Variants in MST1R observed in about 807,000 individuals in gnomAD.
MST1R encodes the protein macrophage stimulating 1 receptor.
MST1R carries 99 observed loss-of-function variants against 117.8 expected under a neutral mutation model. The observed-to-expected ratio is 0.84, with a 90% CI of 0.71 to 0.99. The LOEUF (loss-of-function observed/expected upper bound fraction) is 0.99, where lower values mean the gene tolerates loss of function less well. Ranked by LOEUF, MST1R falls within the 50% of genes least tolerant of loss-of-function variation. The pLI is 0.00. For missense variants in MST1R, 1,683 were observed against 1,840.2 expected, an observed-to-expected ratio of 0.91 and a Z score of 1.56; for synonymous variants, 734 against 765.3, an observed-to-expected ratio of 0.96 and a Z score of 0.68.
chr3:49,891,372 C>T (rs746453316), intron 16 of MST1R, 27 bp downstream of exon 16: 3 of 1,613,720 alleles, frequency 1.9e-6, no homozygotes, highest in East Asian at 4.5e-5. Context: ...TGCCCAGCCC[C>T]CAACCCAGAG....
chr3:49,902,535 C>G lies in MST1R; in HGVS notation c.1075G>C (p.Gly359Arg). The stretch of plus-strand genomic sequence containing the variant: ...CAGACGACAGAGTTGGGGCCCACGC[C>G]AGGACCACCATCCTTGCCAGTCACA... ...VFVTGKDGGP[G>R]VGPNSVVCAF... Residue 359 changes from glycine (G) to arginine (R), a missense_variant, in exon 1 of 20, where the codon GGC (glycine) becomes CGC (arginine). By Grantham distance (125) the Gly-to-Arg change is moderately radical. Coordinates refer to ENST00000296474, the MANE Select transcript of MST1R (RefSeq NM_002447.4). The G allele has an allele frequency of 6.2e-7, 1 of 1,614,082 alleles. No homozygotes were observed. Among genetic ancestry groups the G allele is most frequent in the South Asian group, 1.1e-5 (1 of 91,086 alleles).
chr3:49,889,325 G>T (rs370275195), intron 19 of MST1R, among the ~76,000 whole-genome samples: 2 of 152,292 alleles, frequency 1.3e-5, no homozygotes, highest in East Asian at 3.9e-4. Flanking sequence ...AGGGCTACTC[G>T]CATCCTTCTT....
At chr3:49,897,210 T>A in intron 7 of MST1R, 70 bp downstream of exon 7, 1 of 1,533,152 alleles carries the variant, frequency 6.5e-7, no homozygotes, top group Non-Finnish European at 8.8e-7. Flanking sequence ...CTTCCCTCCA[T>A]CCTGACAGAA....
At chr3:49,896,935 G>A (rs979472376) in intron 7 of MST1R, 45 bp from the exon 8 acceptor site, 16 of 1,451,504 alleles carry the variant, frequency 1.1e-5, no homozygotes, top group South Asian at 5.9e-5. Context: ...TCTTTGTGAT[G>A]GCCAGGCCCA....
rs2082186459 is a variant in MST1R at position 49,887,051 on chromosome 3, T to C, written c.*256A>G. The C allele has an allele frequency of 1.7e-6, 1 of 580,556 alleles. No individual in the cohort carries two copies. Among genetic ancestry groups the C allele is most frequent in the Middle Eastern group, 4.6e-4 (1 of 2,190 alleles). The allele number at this position is 580,556 out of a possible 1,614,324, so 36.0% of individuals were successfully genotyped here. On this transcript the variant is annotated 3_prime_UTR_variant, in exon 20 of 20. Coordinates refer to ENST00000296474, the MANE Select transcript of MST1R (RefSeq NM_002447.4). ...CCTTTATTGGTTCAAGGGTCAGTGTTGGTGTGGTCACTGCTGAGTCCACTG... is the reference window on the plus strand; with the variant it reads ...CCTTTATTGGTTCAAGGGTCAGTGTCGGTGTGGTCACTGCTGAGTCCACTG...
At chr3:49,893,951 T>C (rs1490339143) in intron 14 of MST1R, among the ~76,000 whole-genome samples, 1 of 144,768 alleles carries the variant, frequency 6.9e-6, no homozygotes, top group South Asian at 2.2e-4. Context: ...CAGTGGCTCA[T>C]GCCTGTAATC....
intron 3 of MST1R, 39 bp from the exon 4 acceptor site, chr3:49,898,727 G>A: frequency 6.2e-7 from 1 of 1,611,390 alleles, no homozygotes; most frequent in African/African-American, 1.3e-5. Context: ...GTGCCTGGAG[G>A]GAGAGATTGG....
At chr3:49,888,358 C>A (rs557328755) in intron 19 of MST1R, among the ~76,000 whole-genome samples, 1 of 151,920 alleles carries the variant, frequency 6.6e-6, no homozygotes, top group African/African-American at 2.4e-5. Flanking sequence ...ATGGCGTGAA[C>A]CCGGGAGGCG....
intron 14 of MST1R, 22 bp downstream of exon 14, chr3:49,895,145 C>T (rs2082423345): frequency 1.2e-6 from 2 of 1,613,072 alleles, no homozygotes; most frequent in African/African-American, 1.3e-5. Context: ...ATCTCTGCCC[C>T]AGCCCCACCT....
At position 49,890,662 on chromosome 3, in the gene MST1R, G is replaced by T. The variant is rs373411594; in HGVS notation, c.3645-12C>A. On this transcript the variant is annotated splice_polypyrimidine_tract_variant and intron_variant, in intron 17 of 19. Coordinates refer to ENST00000296474, the MANE Select transcript of MST1R (RefSeq NM_002447.4). ...ATGACTCGTCCAGCCTTAGGGGTAGGGAGAGGATCACACTTAGGACTGGCC... is the reference window on the plus strand; with the variant it reads ...ATGACTCGTCCAGCCTTAGGGGTAGTGAGAGGATCACACTTAGGACTGGCC... The T allele has an allele frequency of 6.2e-7, 1 of 1,605,030 alleles. No individual in the cohort carries two copies. Among genetic ancestry groups the T allele is most frequent in the South Asian group, 1.1e-5 (1 of 89,916 alleles).
chr3:49,900,419 G>A (rs1438013338), intron 1 of MST1R, among the ~76,000 whole-genome samples: 2 of 152,134 alleles, frequency 1.3e-5, no homozygotes, highest in African/African-American at 4.8e-5. Flanking sequence ...GCCAGCCCTA[G>A]GTGCTTAGGA....
intron 14 of MST1R, among the ~76,000 whole-genome samples, chr3:49,894,012 G>A (rs1040404634): frequency 4.6e-5 from 7 of 150,952 alleles, no homozygotes; most frequent in Admixed American, 1.3e-4. Context: ...TCAGGAGTTC[G>A]AGACCGGCCT....
chr3:49,887,311 G>C lies in MST1R; in HGVS notation c.4199C>G (p.Thr1400Ser), dbSNP rs1427110644. ...AGGTCCAGCCCAAGAACTAAGTCAA[G>C]TGGGCCGAGGAGGCTCTGAGAGTGG... is the stretch of plus-strand genomic sequence containing the variant. ...PRPLSEPPRP[T>S] Residue 1400 changes from threonine (T) to serine (S), a missense_variant, in exon 20 of 20, where the codon ACT (threonine) becomes AGT (serine). Thr to Ser is a moderately conservative substitution (Grantham distance 58). Transcript: ENST00000296474. 6.2e-7 allele frequency: 1 copy of C among 1,614,114 alleles called. No individual in the cohort carries two copies. Among genetic ancestry groups the C allele is most frequent in the South Asian group, 1.1e-5 (1 of 91,080 alleles).
chr3:49,897,480 T>C (rs767729621), intron 6 of MST1R, 40 bp downstream of exon 6: 3 of 1,610,598 alleles, frequency 1.9e-6, no homozygotes, highest in African/African-American at 1.3e-5. Context: ...TCCCGTACCA[T>C]GCACTGGCCA....
intron 7 of MST1R, among the ~76,000 whole-genome samples, 174 bp from the exon 8 acceptor site, chr3:49,897,064 G>A (rs1399742797): frequency 1.3e-5 from 2 of 152,240 alleles, no homozygotes; most frequent in East Asian, 3.8e-4. Flanking sequence ...AGGGTAAGGA[G>A]GGAACAGGTT....
chr3:49,895,560 G>A lies in MST1R; in HGVS notation c.2963-12C>T. On this transcript the variant is annotated splice_polypyrimidine_tract_variant and intron_variant, in intron 12 of 19. Transcript: ENST00000296474. ...GTTGGGAGGAAGAACTGTGGAAAGAGAATCCTTGGTGGCTTGGCTTTCCAA... is the reference window on the plus strand; with the variant it reads ...GTTGGGAGGAAGAACTGTGGAAAGAAAATCCTTGGTGGCTTGGCTTTCCAA... 6.2e-7 allele frequency: 1 copy of A among 1,614,024 alleles called. No individual in the cohort carries two copies. The highest frequency in any genetic ancestry group is 8.5e-7 in the Non-Finnish European group (1 of 1,179,910).
In MST1R at chr3:49,899,219, G is replaced by T; in HGVS notation, c.1275C>A (p.Phe425Leu). 1 of 1,614,196 alleles carries T rather than the reference G, an allele frequency of 6.2e-7. No individual in the cohort carries two copies. The highest frequency in any genetic ancestry group is 2.2e-5 in the East Asian group (1 of 44,888). The change falls in exon 2 of 20, where the codon TTC becomes TTA. Residue 425 changes from phenylalanine to leucine, a missense_variant. By Grantham distance (22) the Phe-to-Leu change is conservative. Transcript: ENST00000296474. ...AGAAGCTGCTACTGACCAGCAGAGG[G>T]AAGTGGCGGCAGCTGGTGTTGGGGC... Reference protein sequence around the residue: ...ALSPNTSCRHFPLLVSSSFSR... With the variant: ...ALSPNTSCRHLPLLVSSSFSR...
At chr3:49,889,435 C>A (rs1412791727) in intron 19 of MST1R, among the ~76,000 whole-genome samples, 1 of 152,142 alleles carries the variant, frequency 6.6e-6, no homozygotes, top group Non-Finnish European at 1.5e-5. Context: ...GGCACACCTG[C>A]TACGTATGAA....
Position 49,903,082 on chromosome 3 carries a change from G to A in MST1R, c.528C>T (p.Asp176=). The change falls in exon 1 of 20, where the codon GAC becomes GAT. Residue 176 remains aspartate (D), a synonymous_variant. Coordinates refer to ENST00000296474, the MANE Select transcript of MST1R (RefSeq NM_002447.4). ...GGGTGCCCAATGGGCTGGCCACACA[G>A]TCGGGGCAGTCATCGGGCCGGTTAT... is the stretch of plus-strand genomic sequence containing the variant. ...AHHNRPDDCP[D]CVASPLGTRV... The A allele has an allele frequency of 6.2e-7, 1 of 1,607,888 alleles. No individual in the cohort carries two copies. Among genetic ancestry groups the A allele is most frequent in the East Asian group, 2.2e-5 (1 of 44,884 alleles).
Sources: allele counts gnomAD v4.1 joint callset (sites outside exome capture counted in the v4.1 genomes callset), GRCh38; gene constraint gnomAD v4.1.1; transcripts MANE v1.5; gene names NCBI Gene and HGNC (gene_info 2026-07-23, HGNC 2026-07-21).